The following CCDC6 variants were observed in gnomAD, a reference collection of about 807,000 sequenced individuals.
The protein encoded by CCDC6 is coiled-coil domain-containing protein 6.
CCDC6 carries 20 observed loss-of-function variants against 56.6 expected under a neutral mutation model. The ratio of observed to expected loss-of-function variants is 0.35; its 90% CI spans 0.25 to 0.51. The LOEUF (loss-of-function observed/expected upper bound fraction) is 0.51, where lower values mean the gene tolerates loss of function less well. CCDC6 is among the 20% of genes least tolerant of loss of function. The pLI is 0.95. For synonymous variants in CCDC6, 241 were observed against 234.4 expected, an observed-to-expected ratio of 1.03 and a Z score of -0.26; for missense variants, 367 against 601.1, an observed-to-expected ratio of 0.61 and a Z score of 4.07.
chr10:59,888,354 G>A (rs2071397957), intron 1 of CCDC6, among the ~76,000 whole-genome samples: 1 of 152,212 alleles, frequency 6.6e-6, no homozygotes, highest in Non-Finnish European at 1.5e-5. Flanking sequence ...AACCACATAA[G>A]CCAGGTCTGC....
At chr10:59,840,286 G>A (rs372579079) in intron 2 of CCDC6, among the ~76,000 whole-genome samples, 6 of 152,126 alleles carry the variant, frequency 3.9e-5, no homozygotes, top group South Asian at 4.1e-4. Context: ...TTTCAAATGC[G>A]TGTAATGATT....
At chr10:59,815,565 T>C (rs1471293513) in intron 3 of CCDC6, among the ~76,000 whole-genome samples, 2 of 152,170 alleles carry the variant, frequency 1.3e-5, no homozygotes, top group Non-Finnish European at 2.9e-5. Context: ...TGTGAAACAG[T>C]ATGAAACAGA....
chr10:59,830,384 T>C (rs115074827), intron 3 of CCDC6, among the ~76,000 whole-genome samples: 2,489 of 152,264 alleles, frequency 0.016, 77 homozygotes, highest in African/African-American at 0.056. Context: ...GATTTATTTC[T>C]ATTAGAGGGA....
intron 2 of CCDC6, among the ~76,000 whole-genome samples, chr10:59,844,418 A>G (rs2070970503): frequency 8.6e-6 from 1 of 115,750 alleles, no homozygotes; most frequent in African/African-American, 4.5e-5. Flanking sequence ...TCTGGTTAGG[A>G]GGAATATTAA....
intron 2 of CCDC6, among the ~76,000 whole-genome samples, chr10:59,845,296 CA>C (rs890121636): frequency 6.9e-6 from 1 of 145,318 alleles, no homozygotes; most frequent in Non-Finnish European, 1.5e-5. Context: ...CATTTTATGT[CA>C]AAAAAGTCAG....
chr10:59,824,447 C>A (rs1564742479), intron 3 of CCDC6, among the ~76,000 whole-genome samples: 1 of 152,160 alleles, frequency 6.6e-6, no homozygotes, highest in Non-Finnish European at 1.5e-5. Flanking sequence ...TTCTTCCCCA[C>A]CTCTCTTGGA....
chr10:59,863,641 TG>T (rs2132663564), intron 1 of CCDC6, among the ~76,000 whole-genome samples: 2 of 152,342 alleles, frequency 1.3e-5, no homozygotes, highest in African/African-American at 4.8e-5. Context: ...ACCACTGAAC[TG>T]TACATTTTAC....
At position 59,791,188 on chromosome 10, in the gene CCDC6, T is replaced by G. The variant is rs559457299; in HGVS notation, c.*1729A>C. The G allele has an allele frequency of 5.1e-6, 1 of 195,118 alleles. No homozygotes were observed. The highest frequency in any genetic ancestry group is 2.3e-5 in the African/African-American group (1 of 43,338). The allele number at this position is 195,118 out of a possible 1,614,324, so 12.1% of individuals were successfully genotyped here. On this transcript the variant is annotated 3_prime_UTR_variant, in exon 9 of 9. Transcript: ENST00000263102. ...GCATCTGAGAACTGTATTATGATTA[T>G]GTATATTACACATACATTATAAATA... is the stretch of plus-strand genomic sequence containing the variant.
At chr10:59,817,313 T>TG (rs1375819547) in intron 3 of CCDC6, among the ~76,000 whole-genome samples, 2 of 152,150 alleles carry the variant, frequency 1.3e-5, no homozygotes, top group Admixed American at 6.5e-5. Context: ...CCCAAGTGGC[T>TG]GGGACTACAG....
At chr10:59,836,674 A>T (rs1452481894) in intron 2 of CCDC6, among the ~76,000 whole-genome samples, 1 of 152,244 alleles carries the variant, frequency 6.6e-6, no homozygotes. Flanking sequence ...TTTTCAACAA[A>T]TACATTTTTT....
intron 1 of CCDC6, among the ~76,000 whole-genome samples, chr10:59,855,245 C>A (rs1018505171): frequency 2.6e-5 from 4 of 152,130 alleles, no homozygotes; most frequent in Non-Finnish European, 5.9e-5. Context: ...TTCACCGTAA[C>A]ATAAAAAAGA....
chr10:59,866,035 G>A lies in CCDC6; in HGVS notation c.304-13333C>T, dbSNP rs967923980. ...TCTTCCATCTGCCTCCTCTCCCCAC[G>A]CCCCATAATAAGTTCCCAACCAGAA... is the stretch of plus-strand genomic sequence containing the variant. On this transcript the variant is annotated intron_variant, in intron 1 of 8. Coordinates refer to ENST00000263102, the MANE Select transcript of CCDC6 (RefSeq NM_005436.5). Among the ~76,000 whole-genome samples the A allele has an allele frequency of 5.3e-5, 8 of 151,760 alleles. No homozygotes were observed. In the South Asian group the frequency reaches 6.3e-4, roughly 12 times the overall value.
intron 2 of CCDC6, among the ~76,000 whole-genome samples, chr10:59,837,302 T>C (rs1471700326): frequency 2.0e-5 from 3 of 152,260 alleles, no homozygotes; most frequent in Admixed American, 2.0e-4. Context: ...TGAGAGCACC[T>C]TCCCACCCAA....
intron 8 of CCDC6, among the ~76,000 whole-genome samples, chr10:59,793,678 G>A (rs1390560114): frequency 6.6e-6 from 1 of 152,070 alleles, no homozygotes; most frequent in African/African-American, 2.4e-5. Flanking sequence ...CAGCTACTCG[G>A]GAGGCTGAGG....
At chr10:59,857,212 C>T (rs1564749901) in intron 1 of CCDC6, among the ~76,000 whole-genome samples, 1 of 151,958 alleles carries the variant, frequency 6.6e-6, no homozygotes, top group Non-Finnish European at 1.5e-5. Context: ...TTTACCAAGT[C>T]CTGTGGGAAA....
At chr10:59,865,852 C>CAAAAAAAAAAAAA (rs777021321) in intron 1 of CCDC6, among the ~76,000 whole-genome samples, 21 of 57,032 alleles carry the variant, frequency 3.7e-4, no homozygotes, top group African/African-American at 1.1e-3. Flanking sequence ...TCCATCTCCA[C>CAAAAAAAAAAAAA]AAAAAAAAAA....
Position 59,864,379 on chromosome 10 carries a change from G to A in CCDC6, c.304-11677C>T, listed in dbSNP as rs947147740. 2.6e-5 allele frequency among the ~76,000 whole-genome samples: 4 copies of A among 152,080 alleles called. 1 individual carries two copies. The highest frequency in any genetic ancestry group is 4.1e-4 in the South Asian group (2 of 4,828). The stretch of plus-strand genomic sequence containing the variant: ...CCTTTCTCGAAAATAAATCATGCCC[G>A]CAAATCAGCAACCTTCTTTTCCTTA... On this transcript the variant is annotated intron_variant, in intron 1 of 8. Coordinates refer to ENST00000263102, the MANE Select transcript of CCDC6 (RefSeq NM_005436.5).
chr10:59,855,771 A>G (rs1374171455), intron 1 of CCDC6, among the ~76,000 whole-genome samples: 1 of 152,214 alleles, frequency 6.6e-6, no homozygotes, highest in African/African-American at 2.4e-5. Context: ...GAATTGAATT[A>G]TATCTTGATT....
chr10:59,827,223 A>C (rs2070795361), intron 3 of CCDC6, among the ~76,000 whole-genome samples: 1 of 152,146 alleles, frequency 6.6e-6, no homozygotes, highest in Admixed American at 6.5e-5. Context: ...GAAGGTCAAG[A>C]CCCATTACTG....
Sources: gnomAD v4.1 joint callset for allele counts (sites outside exome capture counted in the v4.1 genomes callset) on GRCh38, gnomAD v4.1.1 for gene constraint, MANE v1.5 for transcripts, NCBI Gene and HGNC (gene_info 2026-07-23, HGNC 2026-07-21) for gene names.